EZH2: variants seen among roughly 807,000 people sequenced by gnomAD.
EZH2 encodes enhancer of zeste 2 polycomb repressive complex 2 subunit.
In EZH2, 18 loss-of-function variants were observed where a neutral mutation model predicts 98.4. The observed-to-expected ratio is 0.18, with a 90% CI of 0.13 to 0.27. EZH2 has a LOEUF of 0.27. Ranked by LOEUF, EZH2 falls within the 10% of genes least tolerant of loss-of-function variation. The pLI is 1.00. For missense variants in EZH2, 470 were observed against 935.1 expected (o/e 0.50, Z 6.49); for synonymous variants, 338 against 312.3 (o/e 1.08, Z -0.87).
chr7:148,849,888 C>T (rs569829153), intron 1 of EZH2, among the ~76,000 whole-genome samples: 1 of 152,302 alleles, frequency 6.6e-6, no homozygotes, highest in African/African-American at 2.4e-5. Flanking sequence ...TAGCCTCATT[C>T]GCTCATAGGC....
At chr7:148,823,033 A>C (rs1023351042) in intron 8 of EZH2, among the ~76,000 whole-genome samples, 2 of 152,248 alleles carry the variant, frequency 1.3e-5, no homozygotes, top group African/African-American at 2.4e-5. Context: ...CCAGATATTA[A>C]AACAATGCTT....
At chr7:148,854,241 CG>C (rs200110940) in intron 1 of EZH2, among the ~76,000 whole-genome samples, 1,626 of 152,178 alleles carry the variant, frequency 0.011, 26 homozygotes, top group African/African-American at 0.037. Flanking sequence ...GTCAGGAGAT[CG>C]AGACTAACAC....
chr7:148,825,531 G>A (rs1466333220), intron 8 of EZH2, among the ~76,000 whole-genome samples: 2 of 152,152 alleles, frequency 1.3e-5, no homozygotes, highest in African/African-American at 2.4e-5. Context: ...AACAAGTAGA[G>A]CAAACACTTA....
At position 148,828,759 on chromosome 7, in the gene EZH2, A is replaced by G. The variant is rs767489605; in HGVS notation, c.606T>C (p.Asp202=). The G allele has an allele frequency of 1.9e-6, 3 of 1,613,520 alleles. No individual in the cohort carries two copies. Among genetic ancestry groups the G allele is most frequent in the African/African-American group, 2.7e-5 (2 of 74,968 alleles). The change falls in exon 6 of 20, where the codon GAT becomes GAC. Residue 202 remains aspartate, a synonymous_variant. Coordinates refer to ENST00000320356, the MANE Select transcript of EZH2 (RefSeq NM_004456.5). ...GCATACCATCTCGGTGATCCTCCAG[A>G]TCTTTCTGCTTTTCTTCTCTTTCTT... is the stretch of plus-strand genomic sequence containing the variant. ...DPEEREEKQK[D]LEDHRDDKES...
rs1340776426 is a variant in EZH2 at position 148,833,444 on chromosome 7, G to A, written c.247-694C>T. ...TGCACTCCAGCCTGGGCGACAGAGC[G>A]AAACTCCGTCTCAAAAAAAAAAAAA... On this transcript the variant is annotated intron_variant, in intron 3 of 19. Coordinates refer to ENST00000320356, the MANE Select transcript of EZH2 (RefSeq NM_004456.5). 5.6e-5 allele frequency among the ~76,000 whole-genome samples: 8 copies of A among 144,012 alleles called. No individual in the cohort carries two copies. The East Asian group carries it at 8.1e-4, about 15-fold the overall frequency. The allele number at this position is 144,012 out of a possible 152,430, so 94.5% of individuals were successfully genotyped here. A position where few individuals can be genotyped will look rare whatever the true frequency, so the allele number is the denominator to read the frequency against.
intron 3 of EZH2, among the ~76,000 whole-genome samples, chr7:148,834,524 C>G (rs1433550069): frequency 6.6e-6 from 1 of 152,144 alleles, no homozygotes; most frequent in East Asian, 1.9e-4. Flanking sequence ...GATAATCTCT[C>G]AATCATCACA....
intron 14 of EZH2, 27 bp downstream of exon 14, chr7:148,814,887 A>G: frequency 1.2e-6 from 2 of 1,607,448 alleles, no homozygotes; most frequent in Non-Finnish European, 1.7e-6. Flanking sequence ...GTTCTCATGC[A>G]ATTGCATCAA....
rs892849618 is a variant in EZH2, at chr7:148,811,715, T to C, written c.1857A>G (p.Leu619=). The C allele has an allele frequency of 1.9e-6, 3 of 1,611,526 alleles. No individual in the cohort carries two copies. The highest frequency in any genetic ancestry group is 2.5e-6 in the Non-Finnish European group (3 of 1,179,810). The change falls in exon 16 of 20, where the codon CTA becomes CTG. Residue 619 remains leucine, a synonymous_variant. Coordinates refer to ENST00000320356, the MANE Select transcript of EZH2 (RefSeq NM_004456.5). ...CTGCCACGTCAGATGGTGCCAGCAA[T>C]AGATGCTAGAGAATAAAACACAATC... The part of the protein sequence containing the change: ...CSIQRGSKKH[L]LLAPSDVAGW...
chr7:148,849,368 C>G (rs1340984289), intron 1 of EZH2, among the ~76,000 whole-genome samples: 1 of 152,078 alleles, frequency 6.6e-6, no homozygotes, highest in East Asian at 1.9e-4. Context: ...CAGGGGGCAA[C>G]TAAAGTCTGG....
rs1282782201 is a variant in EZH2 at position 148,869,377 on chromosome 7, ACT to A, written c.-8+14785_-8+14786del. ...TTTTTTTTTTTGGAGACACAGTCTC[ACT>A]CTGTCACACAGGCTGGAGTGCAGGG... On this transcript the variant is annotated intron_variant, in intron 1 of 19. Coordinates refer to ENST00000320356, the MANE Select transcript of EZH2 (RefSeq NM_004456.5). 4.1e-5 allele frequency among the ~76,000 whole-genome samples: 5 copies of A among 120,530 alleles called. No homozygotes were observed. In the East Asian group the frequency reaches 7.0e-4, roughly 17 times the overall value. 79.1% of individuals were successfully genotyped at this position (120,530 alleles called of 152,430 possible). A position where few individuals can be genotyped will look rare whatever the true frequency, so the allele number is the denominator to read the frequency against.
intron 3 of EZH2, among the ~76,000 whole-genome samples, chr7:148,834,352 T>TATATATATATATATATATATAC (rs1321608007): frequency 7.0e-6 from 1 of 143,320 alleles, no homozygotes; most frequent in African/African-American, 2.6e-5. Context: ...TATATATATA[T>TATATATATATATATATATATAC]ACACACACAC....
chr7:148,872,531 T>A (rs114011957), intron 1 of EZH2, among the ~76,000 whole-genome samples: 1 of 152,354 alleles, frequency 6.6e-6, no homozygotes, highest in African/African-American at 2.4e-5. Flanking sequence ...ATTTAGAAAC[T>A]ACATGTATAT....
At chr7:148,842,869 C>A (rs1812826718) in intron 3 of EZH2, among the ~76,000 whole-genome samples, 1 of 151,924 alleles carries the variant, frequency 6.6e-6, no homozygotes, top group South Asian at 2.1e-4. Context: ...AGTTCGAGAC[C>A]AGCCTGGAAA....
chr7:148,830,834 T>C (rs1056837652), intron 4 of EZH2, among the ~76,000 whole-genome samples: 1 of 152,130 alleles, frequency 6.6e-6, no homozygotes, highest in Non-Finnish European at 1.5e-5. Context: ...CAATGAAGAA[T>C]AAAAATGACA....
At position 148,816,853 on chromosome 7, in the gene EZH2, A is replaced by T. The variant is rs558666392; in HGVS notation, c.1411-75T>A. The T allele has an allele frequency of 5.5e-5, 58 of 1,053,422 alleles. No individual in the cohort carries two copies. The East Asian group carries it at 1.3e-3, about 23-fold the overall frequency. 65.3% of individuals were successfully genotyped at this position (1,053,422 alleles called of 1,614,324 possible). On this transcript the variant is annotated intron_variant, in intron 11 of 19. Transcript: ENST00000320356. ...AACCATTCTTATACTCATGCATACC[A>T]GAAAAATGTCTTTGTCTCTTCTGTG...
At chr7:148,852,779 A>T (rs1196202893) in intron 1 of EZH2, among the ~76,000 whole-genome samples, 1 of 152,220 alleles carries the variant, frequency 6.6e-6, no homozygotes, top group Admixed American at 6.5e-5. Flanking sequence ...CTATTCAGTT[A>T]TATGAGCCAA....
intron 3 of EZH2, among the ~76,000 whole-genome samples, chr7:148,838,159 C>A (rs954451861): frequency 3.4e-5 from 5 of 146,806 alleles, no homozygotes; most frequent in Admixed American, 7.1e-5. Context: ...GCCTCAAACT[C>A]CTGGGCTCAA....
Position 148,810,323 on chromosome 7 carries a change from T to C in EZH2, c.2029+10A>G, listed in dbSNP as rs1242802484. 6.3e-7 allele frequency: 1 copy of C among 1,598,836 alleles called. No homozygotes were observed. Among genetic ancestry groups the C allele is most frequent in the South Asian group, 1.1e-5 (1 of 90,200 alleles). ...TCAGGAACTCACTGCCTCCCAGCTC[T>C]GAAACATACCATTGTTCAAGTTGAA... On this transcript the variant is annotated intron_variant, in intron 17 of 19. Transcript: ENST00000320356.
chr7:148,818,507 T>C (rs934385627), intron 9 of EZH2, among the ~76,000 whole-genome samples: 4 of 152,196 alleles, frequency 2.6e-5, no homozygotes, highest in Non-Finnish European at 4.4e-5. Context: ...TACAAAAGAA[T>C]CATATACCTA....
Sources: gnomAD v4.1 joint callset for allele counts (sites outside exome capture counted in the v4.1 genomes callset) on GRCh38, gnomAD v4.1.1 for gene constraint, MANE v1.5 for transcripts, NCBI Gene and HGNC (gene_info 2026-07-23, HGNC 2026-07-21) for gene names.